The following IFT140 variants were observed in gnomAD, a reference collection of about 807,000 sequenced individuals.
IFT140 encodes intraflagellar transport protein 140 homolog.
IFT140 carries 133 observed loss-of-function variants against 164.6 expected under a neutral mutation model. That is an observed-to-expected ratio of 0.81 (90% confidence interval 0.70 to 0.93). IFT140 has a LOEUF of 0.93. Ranked by LOEUF, IFT140 falls within the 40% of genes least tolerant of loss-of-function variation. IFT140 has a pLI of 0.00. For synonymous variants in IFT140, 860 were observed against 817.3 expected (o/e 1.05, Z -0.89); for missense variants, 2,045 against 1,972.3 (o/e 1.04, Z -0.70).
intron 4 of IFT140, among the ~76,000 whole-genome samples, chr16:1,594,512 C>T (rs958723027): frequency 1.3e-5 from 2 of 152,142 alleles, no homozygotes; most frequent in South Asian, 2.1e-4. Flanking sequence ...TGAGCCACAG[C>T]GCCTGGCCTA....
intron 14 of IFT140, among the ~76,000 whole-genome samples, chr16:1,570,800 G>A (rs1017423309): frequency 3.3e-5 from 5 of 152,182 alleles, no homozygotes; most frequent in Admixed American, 2.0e-4. Context: ...CTGTGGCCCA[G>A]GCTGGAGTGC....
rs141648290 is a variant in IFT140, at chr16:1,573,990, T to C, written c.1525-2456A>G. Among the ~76,000 whole-genome samples, 864 of 152,248 alleles carry C rather than the reference T, an allele frequency of 5.7e-3. 5 individuals carry two copies. Among genetic ancestry groups the C allele is most frequent in the African/African-American group, 0.02 (819 of 41,534 alleles). Reference sequence around the variant, plus strand: ...ACGCCCTGCTCTCCCTTGAGCTGTGTTCTTCTCTGGAAACTGCCTGCTGCC... The same window carrying C: ...ACGCCCTGCTCTCCCTTGAGCTGTGCTCTTCTCTGGAAACTGCCTGCTGCC... On this transcript the variant is annotated intron_variant, in intron 13 of 30. Transcript: ENST00000426508.
intron 4 of IFT140, among the ~76,000 whole-genome samples, chr16:1,601,738 G>A (rs2035806377): frequency 6.6e-6 from 1 of 152,242 alleles, no homozygotes; most frequent in Non-Finnish European, 1.5e-5. Context: ...GCACTTGTGT[G>A]TGCTGGAAGG....
intron 18 of IFT140, among the ~76,000 whole-genome samples, chr16:1,561,051 C>T (rs146054050): frequency 7.2e-5 from 11 of 152,358 alleles, no homozygotes; most frequent in East Asian, 3.9e-4. Flanking sequence ...GCTCACAGGC[C>T]GGCGCCAGCT....
rs576852192 is a variant in IFT140 at position 1,583,190 on chromosome 16, T to C, written c.1432+124A>G. On this transcript the variant is annotated intron_variant, in intron 12 of 30. Transcript: ENST00000426508. ...GCCCTGGCTCTGGAAGCGCAGGCAGTAGCACAAGGGTCTCCCCAGCCCCTG... is the reference window on the plus strand; with the variant it reads ...GCCCTGGCTCTGGAAGCGCAGGCAGCAGCACAAGGGTCTCCCCAGCCCCTG... 25 of 835,360 alleles carry C rather than the reference T, an allele frequency of 3.0e-5. No homozygotes were observed. The African/African-American group carries it at 3.2e-4, about 11-fold the overall frequency. The allele number at this position is 835,360 out of a possible 1,614,324, so 51.7% of individuals were successfully genotyped here. A position where few individuals can be genotyped will look rare whatever the true frequency, so the allele number is the denominator to read the frequency against.
At chr16:1,591,782 C>G (rs150970377) in intron 6 of IFT140, among the ~76,000 whole-genome samples, 51 of 152,320 alleles carry the variant, frequency 3.3e-4, no homozygotes, top group Admixed American at 9.8e-4. Flanking sequence ...ACACCTCATT[C>G]CCACACCCTA....
At chr16:1,568,957 T>A (rs2033870536) in intron 14 of IFT140, among the ~76,000 whole-genome samples, 1 of 151,996 alleles carries the variant, frequency 6.6e-6, no homozygotes, top group Non-Finnish European at 1.5e-5. Context: ...TAGCTGTTTC[T>A]AGTTTGTTGC....
chr16:1,534,327 C>T (rs1596319227), intron 19 of IFT140: 1 of 1,612,844 alleles, frequency 6.2e-7, no homozygotes, highest in Non-Finnish European at 8.5e-7. Context: ...CCTGGTCTCA[C>T]TCATCCTCAA....
At chr16:1,560,491 C>A (rs2033345155) in intron 18 of IFT140, among the ~76,000 whole-genome samples, 1 of 152,158 alleles carries the variant, frequency 6.6e-6, no homozygotes. Flanking sequence ...AGGCAGTGCC[C>A]CACCCCACCA....
chr16:1,584,139 C>A, intron 11 of IFT140, 78 bp downstream of exon 11: 2 of 1,289,650 alleles, frequency 1.6e-6, no homozygotes, highest in Non-Finnish European at 1.1e-6. Flanking sequence ...CCATCTGGGG[C>A]CCTTGCTGCC....
At chr16:1,572,841 G>C (rs2034093789) in intron 13 of IFT140, among the ~76,000 whole-genome samples, 1 of 152,216 alleles carries the variant, frequency 6.6e-6, no homozygotes, top group African/African-American at 2.4e-5. Context: ...TGGGGGAGGA[G>C]CATCACAAGT....
intron 30 of IFT140, among the ~76,000 whole-genome samples, chr16:1,513,874 C>T (rs553603234): frequency 8.1e-4 from 116 of 142,662 alleles, no homozygotes; most frequent in African/African-American, 2.0e-3. Flanking sequence ...GGGGTTTCAC[C>T]GTGTTAGCCA....
chr16:1,592,517 C>T lies in IFT140; in HGVS notation c.441G>A (p.Glu147=), dbSNP rs62040002. The change falls in exon 5 of 31, where the codon GAG becomes GAA. Residue 147 remains glutamate (E), a synonymous_variant. Coordinates refer to ENST00000426508, the MANE Select transcript of IFT140 (RefSeq NM_014714.4). ...TGCAGTGCGTGAGGTGTTTCCCATA[C>T]TCGTGTTTCAGCAGAGGCGTCCCTT... ...RVQGTPLLKH[E]YGKHLTHCIF... is the part of the protein sequence containing the mutation. 9 of 1,614,154 alleles carry T rather than the reference C, an allele frequency of 5.6e-6. No homozygotes were observed. The African/African-American group carries it at 1.1e-4, about 19-fold the overall frequency.
intron 19 of IFT140, chr16:1,541,075 C>T (rs2031586383): frequency 3.0e-6 from 3 of 985,444 alleles, no homozygotes; most frequent in African/African-American, 1.7e-5. Context: ...AACAAACGCA[C>T]CTCCCTCTGA....
chr16:1,597,311 T>C (rs1042413966), intron 4 of IFT140, among the ~76,000 whole-genome samples: 19 of 152,186 alleles, frequency 1.2e-4, no homozygotes, highest in Non-Finnish European at 1.5e-4. Context: ...ATTGCCCGCC[T>C]CCCTGGTTAC....
chr16:1,556,129 A>T (rs577004938), intron 19 of IFT140, among the ~76,000 whole-genome samples: 21 of 152,238 alleles, frequency 1.4e-4, no homozygotes, highest in African/African-American at 5.1e-4. Context: ...AAAACAAAAA[A>T]CCTTCAGCCT....
intron 19 of IFT140, among the ~76,000 whole-genome samples, chr16:1,538,537 C>G (rs1276676703): frequency 6.6e-6 from 1 of 152,204 alleles, no homozygotes; most frequent in African/African-American, 2.4e-5. Context: ...CTTTCCTCCC[C>G]TCCAGGGCAG....
At position 1,566,058 on chromosome 16, in the gene IFT140, G is replaced by A. The variant is rs2033695292; in HGVS notation, c.1901+103C>T. 8 of 1,061,232 alleles carry A rather than the reference G, an allele frequency of 7.5e-6. 1 individual carries two copies. The South Asian group carries it at 1.1e-4, about 15-fold the overall frequency. The allele number at this position is 1,061,232 out of a possible 1,614,324, so 65.7% of individuals were successfully genotyped here. A position where few individuals can be genotyped will look rare whatever the true frequency, so the allele number is the denominator to read the frequency against. On this transcript the variant is annotated intron_variant, in intron 16 of 30. Coordinates refer to ENST00000426508, the MANE Select transcript of IFT140 (RefSeq NM_014714.4). Reference sequence around the variant, plus strand: ...TTCTTTTTCCTACTGGTGCCTGCTGGGGCCTTTTGAAGGCGCGTTAACTTA... The same window carrying A: ...TTCTTTTTCCTACTGGTGCCTGCTGAGGCCTTTTGAAGGCGCGTTAACTTA...
chr16:1,524,988 C>T, intron 22 of IFT140, 72 bp from the exon 23 acceptor site: 1 of 1,547,976 alleles, frequency 6.5e-7, no homozygotes. Flanking sequence ...CCACCCCGCC[C>T]CTGTGCCACC....
Sources: allele counts gnomAD v4.1 joint callset (sites outside exome capture counted in the v4.1 genomes callset), GRCh38; gene constraint gnomAD v4.1.1; transcripts MANE v1.5; gene names NCBI Gene and HGNC (gene_info 2026-07-23, HGNC 2026-07-21).